TMEM150C: variants seen among roughly 807,000 people sequenced by gnomAD.
TMEM150C encodes transmembrane protein 150C, also known as tentonin 3.
In TMEM150C, 10 loss-of-function variants were observed where a neutral mutation model predicts 29.9. The ratio of observed to expected loss-of-function variants is 0.33; its 90% CI spans 0.21 to 0.57. TMEM150C has a LOEUF of 0.57. TMEM150C is among the 20% of genes least tolerant of loss of function. The pLI, the probability that TMEM150C is intolerant of heterozygous loss-of-function variation, is 0.88. For missense variants in TMEM150C, 251 were observed against 303.6 expected (o/e 0.83, Z 1.29); for synonymous variants, 101 against 112.5 (o/e 0.90, Z 0.64).
chr4:82,513,764 T>C (rs1454699561), intron 1 of TMEM150C, among the ~76,000 whole-genome samples: 2 of 152,176 alleles, frequency 1.3e-5, no homozygotes, highest in Non-Finnish European at 2.9e-5. Flanking sequence ...GGGTTTTGCC[T>C]TCCCTCCCAA....
At chr4:82,551,255 T>C (rs573994544) in intron 1 of TMEM150C, among the ~76,000 whole-genome samples, 10 of 152,060 alleles carry the variant, frequency 6.6e-5, no homozygotes, top group South Asian at 2.1e-4. Flanking sequence ...TTTACCATGA[T>C]TTTTTTTCTC....
intron 1 of TMEM150C, among the ~76,000 whole-genome samples, chr4:82,514,206 T>G (rs1449076778): frequency 6.6e-6 from 1 of 152,220 alleles, no homozygotes; most frequent in Non-Finnish European, 1.5e-5. Context: ...AAGCTCCTCT[T>G]CTGCCGGGGC....
At chr4:82,498,489 G>A (rs1472305065) in intron 5 of TMEM150C, among the ~76,000 whole-genome samples, 5 of 151,998 alleles carry the variant, frequency 3.3e-5, no homozygotes, top group African/African-American at 4.8e-5. Flanking sequence ...ATGGAGTTTC[G>A]CCATGTTGGC....
intron 1 of TMEM150C, among the ~76,000 whole-genome samples, chr4:82,553,219 A>T (rs929010242): frequency 2.6e-5 from 4 of 152,208 alleles, no homozygotes; most frequent in Admixed American, 2.6e-4. Flanking sequence ...GCTGACTCCT[A>T]TCGAAAAAAC....
intron 2 of TMEM150C, among the ~76,000 whole-genome samples, 176 bp downstream of exon 2, chr4:82,504,402 C>T (rs1406161827): frequency 6.6e-6 from 1 of 152,118 alleles, no homozygotes; most frequent in East Asian, 1.9e-4. Flanking sequence ...CAGGGTTTCC[C>T]CATGTTGGCA....
Position 82,485,085 on chromosome 4 carries a change from C to A in TMEM150C, c.*426G>T, listed in dbSNP as rs1049115048. ...TATTATCCACTCAAGAATATTAGTG[C>A]CAGATTCAGAACTTCCTCACGAGCT... On this transcript the variant is annotated 3_prime_UTR_variant, in exon 8 of 8. Coordinates refer to ENST00000449862, the MANE Select transcript of TMEM150C (RefSeq NM_001080506.3). 1.1e-5 allele frequency: 2 copies of A among 177,866 alleles called. No homozygotes were observed. The highest frequency in any genetic ancestry group is 2.4e-5 in the Non-Finnish European group (2 of 83,908). The allele number at this position is 177,866 out of a possible 1,614,324, so 11.0% of individuals were successfully genotyped here.
intron 7 of TMEM150C, among the ~76,000 whole-genome samples, chr4:82,489,062 A>ATTTTT (rs576894576): frequency 2.4e-5 from 3 of 126,078 alleles, no homozygotes; most frequent in African/African-American, 6.0e-5. Context: ...GGATTTTTAG[A>ATTTTT]TTTTTTTTTT....
chr4:82,539,184 C>T (rs1302133242), intron 1 of TMEM150C, among the ~76,000 whole-genome samples: 1 of 152,092 alleles, frequency 6.6e-6, no homozygotes, highest in Non-Finnish European at 1.5e-5. Flanking sequence ...TTTTCAAACT[C>T]TTTTTCAAAG....
chr4:82,509,318 C>T (rs926879978), intron 1 of TMEM150C, among the ~76,000 whole-genome samples: 1 of 152,184 alleles, frequency 6.6e-6, no homozygotes. Context: ...TCTGCAGAGG[C>T]TCCCACTATT....
intron 1 of TMEM150C, among the ~76,000 whole-genome samples, chr4:82,530,105 T>TAGAG (rs1215361548): frequency 6.7e-6 from 1 of 148,966 alleles, no homozygotes; most frequent in Non-Finnish European, 1.5e-5. Context: ...TCTCTCTCTC[T>TAGAG]AGAGAGAGAG....
chr4:82,538,146 C>T (rs1042039423), intron 1 of TMEM150C, among the ~76,000 whole-genome samples: 1 of 152,214 alleles, frequency 6.6e-6, no homozygotes, highest in Admixed American at 6.5e-5. Context: ...GAAACCTCTG[C>T]TTCCAGATTC....
intron 1 of TMEM150C, among the ~76,000 whole-genome samples, chr4:82,551,869 T>C (rs1016765430): frequency 6.6e-6 from 1 of 152,220 alleles, no homozygotes; most frequent in Admixed American, 6.5e-5. Flanking sequence ...GTTTGGATAT[T>C]TGATCCCTCC....
chr4:82,536,356 C>CAAAAAAAA (rs567469021), intron 1 of TMEM150C, among the ~76,000 whole-genome samples: 2 of 80,440 alleles, frequency 2.5e-5, no homozygotes, highest in African/African-American at 6.3e-5. Flanking sequence ...GACTCCATCT[C>CAAAAAAAA]AAAAAAAAAA....
At chr4:82,499,980 C>T (rs1723686404) in intron 5 of TMEM150C, among the ~76,000 whole-genome samples, 1 of 152,078 alleles carries the variant, frequency 6.6e-6, no homozygotes, top group South Asian at 2.1e-4. Flanking sequence ...GGCTGCTATT[C>T]GGTGACTGAC....
At chr4:82,500,845 G>A (rs1006702759) in intron 5 of TMEM150C, among the ~76,000 whole-genome samples, 7 of 152,262 alleles carry the variant, frequency 4.6e-5, no homozygotes, top group African/African-American at 1.7e-4. Flanking sequence ...AAGCCCAGTG[G>A]AGGACAGACA....
At chr4:82,499,155 T>C (rs1303395319) in intron 5 of TMEM150C, among the ~76,000 whole-genome samples, 1 of 152,196 alleles carries the variant, frequency 6.6e-6, no homozygotes, top group Non-Finnish European at 1.5e-5. Context: ...ATTTGGACTG[T>C]TATGAAGTCC....
intron 6 of TMEM150C, chr4:82,490,745 G>A (rs1723313479): frequency 5.3e-6 from 2 of 379,536 alleles, no homozygotes; most frequent in Admixed American, 7.0e-5. Flanking sequence ...CACCATGCCT[G>A]GCTAATTTGT....
chr4:82,489,644 G>C (rs1278527873), intron 7 of TMEM150C, among the ~76,000 whole-genome samples: 1 of 151,882 alleles, frequency 6.6e-6, no homozygotes, highest in African/African-American at 2.4e-5. Flanking sequence ...AAATGTATTG[G>C]TCCTCTGAAA....
At chr4:82,516,259 C>T (rs1724292829) in intron 1 of TMEM150C, among the ~76,000 whole-genome samples, 1 of 152,136 alleles carries the variant, frequency 6.6e-6, no homozygotes, top group South Asian at 2.1e-4. Context: ...ACACTAAACT[C>T]GAACCTCCTC....
Sources: gnomAD v4.1 joint callset for allele counts (sites outside exome capture counted in the v4.1 genomes callset) on GRCh38, gnomAD v4.1.1 for gene constraint, MANE v1.5 for transcripts, NCBI Gene and HGNC (gene_info 2026-07-23, HGNC 2026-07-21) for gene names.